NRG3: variants seen among roughly 807,000 people sequenced by gnomAD.
NRG3 encodes pro-neuregulin-3, membrane-bound isoform.
In NRG3, 31 loss-of-function variants were observed where a neutral mutation model predicts 66.9. The ratio of observed to expected loss-of-function variants is 0.46; its 90% confidence interval spans 0.35 to 0.63. The LOEUF (loss-of-function observed/expected upper bound fraction) is 0.63. NRG3 is among the 20% of genes least tolerant of loss of function. NRG3 has a pLI of 0.00. For missense variants in NRG3, 910 were observed against 878.9 expected, an observed-to-expected ratio of 1.04 and a Z score of -0.45; for synonymous variants, 393 against 359.4, an observed-to-expected ratio of 1.09 and a Z score of -1.06.
intron 2 of NRG3, among the ~76,000 whole-genome samples, chr10:82,535,423 C>T (rs1419484072): frequency 6.6e-6 from 1 of 151,952 alleles, no homozygotes; most frequent in Admixed American, 6.6e-5. Context: ...TTGGAAATCC[C>T]ACTCTCTATA....
intron 2 of NRG3, among the ~76,000 whole-genome samples, chr10:82,551,049 C>T (rs573934430): frequency 6.6e-6 from 1 of 152,086 alleles, no homozygotes; most frequent in African/African-American, 2.4e-5. Context: ...ATTAACGATT[C>T]ATTAAATATC....
At position 82,308,733 on chromosome 10, in the gene NRG3, G is replaced by A. The variant is rs140300299; in HGVS notation, c.824-50006G>A. On this transcript the variant is annotated intron_variant, in intron 1 of 8. Coordinates refer to ENST00000372141, the MANE Select transcript of NRG3 (RefSeq NM_001010848.4). ...CTTTCCTGAATGTTCCACTTGCTCTGATTTTCTCTGGCTGCAGGGCTTCTC... is the reference window on the plus strand; with the variant it reads ...CTTTCCTGAATGTTCCACTTGCTCTAATTTTCTCTGGCTGCAGGGCTTCTC... Among the ~76,000 whole-genome samples the A allele has an allele frequency of 4.2e-3, 639 of 152,158 alleles. 6 individuals are homozygous for A. Among genetic ancestry groups the A allele is most frequent in the African/African-American group, 0.014 (567 of 41,520 alleles).
chr10:81,875,317 C>T lies in NRG3; in HGVS notation c.-24C>T. The T allele has an allele frequency of 3.0e-6, 3 of 984,072 alleles. No individual in the cohort carries two copies. Among genetic ancestry groups the T allele is most frequent in the Non-Finnish European group, 2.4e-6 (2 of 830,682 alleles). The allele number at this position is 984,072 out of a possible 1,614,324, so 61.0% of individuals were successfully genotyped here. ...GCCTCTGCCGCGGCCCTCGGGGGGG[C>T]GAAGGTGAAGACCGGCTCCTAGGAT... is the stretch of plus-strand genomic sequence containing the variant. On this transcript the variant is annotated 5_prime_UTR_variant, in exon 1 of 9. The change creates a premature stop within an existing upstream ORF in the 5' untranslated region. Transcript: ENST00000372141. The surrounding 1 kb of genome is among the most constrained non-coding windows in gnomAD (Gnocchi z 5.3).
At chr10:82,420,867 T>C (rs2089011481) in intron 2 of NRG3, among the ~76,000 whole-genome samples, 1 of 152,196 alleles carries the variant, frequency 6.6e-6, no homozygotes, top group Non-Finnish European at 1.5e-5. Context: ...GATAAATCTG[T>C]AGAGGCATCA....
At chr10:82,116,664 C>T (rs556706863) in intron 1 of NRG3, among the ~76,000 whole-genome samples, 1 of 152,178 alleles carries the variant, frequency 6.6e-6, no homozygotes, top group South Asian at 2.1e-4. Flanking sequence ...CAATCATTTC[C>T]TTTTGTAAAC....
At chr10:82,671,661 C>A (rs1172572565) in intron 2 of NRG3, among the ~76,000 whole-genome samples, 1 of 152,146 alleles carries the variant, frequency 6.6e-6, no homozygotes, top group African/African-American at 2.4e-5. Flanking sequence ...TGTATTTCAT[C>A]CTTTGTAAAA....
intron 1 of NRG3, among the ~76,000 whole-genome samples, chr10:82,090,254 T>A (rs2065948932): frequency 6.6e-6 from 1 of 152,242 alleles, no homozygotes; most frequent in Non-Finnish European, 1.5e-5. Context: ...ATGAAATGAA[T>A]ACATAGTTTC....
At chr10:82,926,919 C>A (rs933108640) in intron 4 of NRG3, among the ~76,000 whole-genome samples, 1 of 152,136 alleles carries the variant, frequency 6.6e-6, no homozygotes, top group Non-Finnish European at 1.5e-5. Flanking sequence ...TCTTTATTTT[C>A]TTTATCTTTG....
At chr10:82,603,178 C>G (rs923252004) in intron 2 of NRG3, among the ~76,000 whole-genome samples, 2 of 152,094 alleles carry the variant, frequency 1.3e-5, no homozygotes, top group African/African-American at 2.4e-5. Flanking sequence ...AGCATTGGTG[C>G]AATTTTGCCT....
intron 1 of NRG3, among the ~76,000 whole-genome samples, chr10:82,019,630 A>C (rs980608290): frequency 6.6e-6 from 1 of 152,146 alleles, no homozygotes; most frequent in South Asian, 2.1e-4. Context: ...TTATTGGTTT[A>C]TTAAGAGATT....
chr10:82,792,397 T>C (rs181298320), intron 3 of NRG3, among the ~76,000 whole-genome samples: 103 of 152,290 alleles, frequency 6.8e-4, no homozygotes, highest in Middle Eastern at 3.4e-3. Context: ...ATTTGTATCT[T>C]TAATTCTGAA....
At chr10:82,957,551 G>A (rs968055006) in intron 5 of NRG3, among the ~76,000 whole-genome samples, 4 of 151,932 alleles carry the variant, frequency 2.6e-5, no homozygotes, top group South Asian at 4.1e-4. Context: ...GAGCAGTCAC[G>A]TAGGCAAATG....
At chr10:82,536,845 AATTTTTATTATTAAAT>A (rs1847860289) in intron 2 of NRG3, among the ~76,000 whole-genome samples, 1 of 151,456 alleles carries the variant, frequency 6.6e-6, no homozygotes, top group Non-Finnish European at 1.5e-5. Flanking sequence ...ATTATTAAAT[AATTTTTATTATTAAAT>A]ATTTTTATTA....
At chr10:82,034,803 TGG>T (rs1484414885) in intron 1 of NRG3, among the ~76,000 whole-genome samples, 1 of 152,064 alleles carries the variant, frequency 6.6e-6, no homozygotes, top group Non-Finnish European at 1.5e-5. Flanking sequence ...AAGTAGACTG[TGG>T]GCTCAGTGAG....
chr10:82,039,497 C>T (rs1161154636), intron 1 of NRG3, among the ~76,000 whole-genome samples: 1 of 152,018 alleles, frequency 6.6e-6, no homozygotes, highest in East Asian at 1.9e-4. Context: ...GGAAATGTGG[C>T]ATTTTAAAAT....
At chr10:81,947,537 T>C (rs1297741720) in intron 1 of NRG3, among the ~76,000 whole-genome samples, 9 of 152,146 alleles carry the variant, frequency 5.9e-5, no homozygotes, top group African/African-American at 2.2e-4. Context: ...CCATTGCTCA[T>C]AGTGGCATTC....
intron 1 of NRG3, among the ~76,000 whole-genome samples, chr10:82,357,126 G>C (rs867954895): frequency 1.3e-5 from 2 of 152,232 alleles, no homozygotes; most frequent in Non-Finnish European, 2.9e-5. Flanking sequence ...ATGAAGGTCT[G>C]GGAAGAAGGA....
At chr10:81,878,945 T>C (rs969594685) in intron 1 of NRG3, among the ~76,000 whole-genome samples, 7 of 152,212 alleles carry the variant, frequency 4.6e-5, no homozygotes, top group Non-Finnish European at 7.3e-5. Context: ...ACATGCTTGC[T>C]AATGGATAAT....
intron 1 of NRG3, among the ~76,000 whole-genome samples, chr10:81,943,329 T>C (rs1026216322): frequency 6.6e-6 from 1 of 152,148 alleles, no homozygotes; most frequent in Non-Finnish European, 1.5e-5. Context: ...TGCAGTGGGC[T>C]GTGATCTTGC....
Sources: gnomAD v4.1 joint callset for allele counts (sites outside exome capture counted in the v4.1 genomes callset) on GRCh38, gnomAD v4.1.1 for gene constraint, Gnocchi (gnomAD v3.1) non-coding constraint, MANE v1.5 for transcripts, NCBI Gene and HGNC (gene_info 2026-07-23, HGNC 2026-07-21) for gene names.